FRMD4A: variants seen among roughly 807,000 people sequenced by gnomAD.
FRMD4A encodes the protein FERM domain-containing protein 4A.
FRMD4A carries 29 observed loss-of-function variants against 129.1 expected under a neutral mutation model. The ratio of observed to expected loss-of-function variants is 0.22; its 90% CI spans 0.17 to 0.31. The LOEUF (loss-of-function observed/expected upper bound fraction) is 0.31, where lower values mean the gene tolerates loss of function less well. Among genes scored for constraint, FRMD4A ranks in the 10% least tolerant of loss-of-function variants. FRMD4A has a pLI of 1.00. For missense variants in FRMD4A, 1,272 were observed against 1,375.8 expected, an observed-to-expected ratio of 0.92 and a Z score of 1.19; for synonymous variants, 634 against 571.6, an observed-to-expected ratio of 1.11 and a Z score of -1.56.
chr10:13,820,768 G>A (rs1410225122), intron 3 of FRMD4A, among the ~76,000 whole-genome samples: 6 of 152,196 alleles, frequency 3.9e-5, no homozygotes, highest in African/African-American at 1.2e-4. Flanking sequence ...CACAGCCGCC[G>A]CTCTGTGCCC....
At chr10:13,851,905 T>TA (rs34091812) in intron 3 of FRMD4A, among the ~76,000 whole-genome samples, 80 of 142,738 alleles carry the variant, frequency 5.6e-4, no homozygotes, top group East Asian at 2.2e-3. Flanking sequence ...TCTCAAAAAT[T>TA]AAAAAAAAAA....
In FRMD4A at chr10:14,329,344, G is replaced by A. The variant is rs577412618; in HGVS notation, c.45+714C>T. On this transcript the variant is annotated intron_variant, in intron 2 of 24. Coordinates refer to ENST00000357447, the MANE Select transcript of FRMD4A (RefSeq NM_018027.5). ...GGCAAAAGCCACTGCTGAACCTAGT[G>A]TCAAGCCAAAAGCCAATTGGGTTGG... is the stretch of plus-strand genomic sequence containing the variant. Among the ~76,000 whole-genome samples, 3 of 152,346 alleles carry A rather than the reference G, an allele frequency of 2.0e-5. No individual in the cohort carries two copies. In the South Asian group the frequency reaches 6.2e-4, roughly 32 times the overall value.
chr10:14,213,286 A>T lies in FRMD4A; in HGVS notation c.45+116772T>A, dbSNP rs190627629. 2.6e-5 allele frequency among the ~76,000 whole-genome samples: 4 copies of T among 152,324 alleles called. No homozygotes were observed. In the East Asian group the frequency reaches 7.7e-4, roughly 29 times the overall value. On this transcript the variant is annotated intron_variant, in intron 2 of 24. Transcript: ENST00000357447. ...AAACAAATAAATAAATACAGGGTAC[A>T]TCAGAACCTTCATGGTTGAAATGAT...
At chr10:13,904,730 C>T (rs1425309118) in intron 2 of FRMD4A, among the ~76,000 whole-genome samples, 2 of 152,124 alleles carry the variant, frequency 1.3e-5, no homozygotes, top group Non-Finnish European at 2.9e-5. Flanking sequence ...TAGAAAGCAG[C>T]GTTTGTAATC....
rs186419478 is a variant in FRMD4A, at chr10:13,995,700, G to T, written c.46-136788C>A. ...CACGGCATGTGGCCTTGGGAGCTGA[G>T]GTTCTGCTCGTTGACAATTGGTCTT... On this transcript the variant is annotated intron_variant, in intron 2 of 24. Coordinates refer to ENST00000357447, the MANE Select transcript of FRMD4A (RefSeq NM_018027.5). Among the ~76,000 whole-genome samples, 354 of 152,340 alleles carry T rather than the reference G, an allele frequency of 2.3e-3. 5 individuals carry two copies. Among genetic ancestry groups the T allele is most frequent in the African/African-American group, 8.2e-3 (341 of 41,584 alleles).
chr10:13,652,290 G>C (rs1227621195), intron 23 of FRMD4A: 3 of 395,144 alleles, frequency 7.6e-6, no homozygotes, highest in Non-Finnish European at 1.4e-5. Flanking sequence ...ACTAGTTGTA[G>C]GTGGTGAAAT....
At chr10:13,836,367 G>C (rs2093873683) in intron 3 of FRMD4A, among the ~76,000 whole-genome samples, 2 of 152,286 alleles carry the variant, frequency 1.3e-5, no homozygotes, top group South Asian at 2.1e-4. Flanking sequence ...GCACTCATCT[G>C]ACATTTTGGT....
At chr10:14,124,453 A>T (rs1838715364) in intron 2 of FRMD4A, among the ~76,000 whole-genome samples, 1 of 152,162 alleles carries the variant, frequency 6.6e-6, no homozygotes, top group Non-Finnish European at 1.5e-5. Context: ...AAGCGGGTGG[A>T]TCACCTGAGG....
intron 2 of FRMD4A, among the ~76,000 whole-genome samples, chr10:14,220,849 G>A (rs1396842365): frequency 6.6e-6 from 1 of 150,980 alleles, no homozygotes; most frequent in Non-Finnish European, 1.5e-5. Context: ...TTTACTGGGG[G>A]CTCCCAGAGC....
chr10:13,785,246 A>G (rs539202330), intron 5 of FRMD4A, among the ~76,000 whole-genome samples: 1 of 152,348 alleles, frequency 6.6e-6, no homozygotes, highest in African/African-American at 2.4e-5. Flanking sequence ...AACTTCAGAC[A>G]TTAAATTTTC....
At chr10:14,003,675 CA>C (rs2095651063) in intron 2 of FRMD4A, 1 of 1,104 alleles carries the variant, frequency 9.1e-4, no homozygotes, top group Non-Finnish European at 5.5e-3. Flanking sequence ...CAAACTACAG[CA>C]GCAGAGAATA....
intron 4 of FRMD4A, among the ~76,000 whole-genome samples, chr10:13,805,885 TTCTAAC>T (rs2093350058): frequency 6.6e-6 from 1 of 151,388 alleles, no homozygotes; most frequent in Admixed American, 6.6e-5. Context: ...TTGAGACAGA[TTCTAAC>T]TCTGTCACCC....
intron 2 of FRMD4A, among the ~76,000 whole-genome samples, chr10:14,323,295 T>G (rs562347885): frequency 6.6e-6 from 1 of 152,358 alleles, no homozygotes; most frequent in East Asian, 1.9e-4. Flanking sequence ...GTATATACTG[T>G]GCTATTTGCT....
At chr10:13,824,439 G>A (rs1005394881) in intron 3 of FRMD4A, among the ~76,000 whole-genome samples, 2 of 151,758 alleles carry the variant, frequency 1.3e-5, no homozygotes, top group African/African-American at 4.8e-5. Context: ...GCAGTGAGCT[G>A]AGATTGCACT....
At chr10:14,199,470 A>G (rs1055997331) in intron 2 of FRMD4A, among the ~76,000 whole-genome samples, 2 of 148,784 alleles carry the variant, frequency 1.3e-5, no homozygotes, top group African/African-American at 2.6e-5. Flanking sequence ...ACTCACTGCA[A>G]TCTCCACCTC....
In FRMD4A at chr10:13,646,143, G is replaced by A. The variant is rs1031269151; in HGVS notation, c.*895C>T. ...CTTCCTCGCCTTTACCGTGGCATTG[G>A]GGCAGTTTTTCAGGCTCTCTACGGA... On this transcript the variant is annotated 3_prime_UTR_variant, in exon 25 of 25. Transcript: ENST00000357447. 1 of 152,538 alleles carries A rather than the reference G, an allele frequency of 6.6e-6. No individual in the cohort carries two copies. Among genetic ancestry groups the A allele is most frequent in the African/African-American group, 2.4e-5 (1 of 41,426 alleles). 9.4% of individuals were successfully genotyped at this position (152,538 alleles called of 1,614,324 possible).
At chr10:13,688,908 G>A (rs1208171083) in intron 15 of FRMD4A, among the ~76,000 whole-genome samples, 1 of 151,960 alleles carries the variant, frequency 6.6e-6, no homozygotes. Flanking sequence ...GGTAGAGACC[G>A]GATTTCATCA....
At chr10:13,673,769 C>CTTTTTTTTTTTTTT (rs1156236426) in intron 16 of FRMD4A, among the ~76,000 whole-genome samples, 1 of 94,286 alleles carries the variant, frequency 1.1e-5, no homozygotes, top group Non-Finnish European at 2.0e-5. Context: ...GAAAGCATTG[C>CTTTTTTTTTTTTTT]TTTTTTTTTT....
At chr10:14,003,857 A>G (rs2095651858) in intron 2 of FRMD4A, among the ~76,000 whole-genome samples, 1 of 152,194 alleles carries the variant, frequency 6.6e-6, no homozygotes, top group African/African-American at 2.4e-5. Flanking sequence ...TTTAATAAAA[A>G]CTTCCTCCCT....
Sources: gnomAD v4.1 joint callset for allele counts (sites outside exome capture counted in the v4.1 genomes callset) on GRCh38, gnomAD v4.1.1 for gene constraint, MANE v1.5 for transcripts, NCBI Gene and HGNC (gene_info 2026-07-23, HGNC 2026-07-21) for gene names.